SUCLG2: variants seen among roughly 807,000 people sequenced by gnomAD.
The protein encoded by SUCLG2 is succinate-CoA ligase GDP-forming subunit beta.
In SUCLG2, 42 loss-of-function variants were observed where a neutral mutation model predicts 47.9. That is an observed-to-expected ratio of 0.88 (90% confidence interval 0.69 to 1.14). The LOEUF (loss-of-function observed/expected upper bound fraction) is 1.14. Among genes scored for constraint, SUCLG2 ranks in the 50% most tolerant of loss-of-function variants. The pLI, the probability that SUCLG2 is intolerant of heterozygous loss-of-function variation, is 0.00. For missense variants in SUCLG2, 571 were observed against 525.9 expected (o/e 1.09, Z -0.84); for synonymous variants, 195 against 197.3 (o/e 0.99, Z 0.10).
rs1438093732 is a variant in SUCLG2 at position 67,444,108 on chromosome 3, T to TG, written c.1063-43258dup. ...CCAGCCGCGCCGTCCGGGAGGGAGG[T>TG]GGGGGGGTCAGCCCCCCGCCTGGCC... On this transcript the variant is annotated intron_variant, in intron 9 of 10. Coordinates refer to ENST00000307227, the MANE Select transcript of SUCLG2 (RefSeq NM_003848.4). Among the ~76,000 whole-genome samples, 11 of 63,978 alleles carry TG rather than the reference T, an allele frequency of 1.7e-4. No homozygotes were observed. In the South Asian group the frequency reaches 4.3e-3, roughly 25 times the overall value. 42.0% of individuals were successfully genotyped at this position (63,978 alleles called of 152,430 possible).
At chr3:67,369,927 A>G (rs1701929204), downstream of SUCLG2, among the ~76,000 whole-genome samples, 1 of 152,238 alleles carries the variant, frequency 6.6e-6, no homozygotes, top group Non-Finnish European at 1.5e-5. Context: ...TATACTGATT[A>G]CATAGTAAAT....
At chr3:67,403,316 A>G (rs140007497) in intron 9 of SUCLG2, among the ~76,000 whole-genome samples, 1 of 152,318 alleles carries the variant, frequency 6.6e-6, no homozygotes, top group African/African-American at 2.4e-5. Flanking sequence ...TGTTTGGATC[A>G]TCTTTGTGCT....
intron 1 of SUCLG2, among the ~76,000 whole-genome samples, chr3:67,618,636 C>T (rs997471227): frequency 3.3e-5 from 5 of 152,154 alleles, no homozygotes; most frequent in Non-Finnish European, 7.4e-5. Context: ...CTGACTTTTT[C>T]TCTTTTTAGT....
At chr3:67,523,979 A>T (rs6807618) in intron 4 of SUCLG2, among the ~76,000 whole-genome samples, 17,070 of 152,238 alleles carry the variant, frequency 0.11, 1,464 homozygotes, top group East Asian at 0.27. Context: ...CTACTGTCTG[A>T]AACAGCTCTT....
At chr3:67,470,502 A>G in intron 9 of SUCLG2, among the ~76,000 whole-genome samples, 1 of 152,236 alleles carries the variant, frequency 6.6e-6, no homozygotes, top group South Asian at 2.1e-4. Flanking sequence ...AAAAGTGATT[A>G]GGTCATGAGG....
At chr3:67,584,721 C>T (rs531827238) in intron 2 of SUCLG2, among the ~76,000 whole-genome samples, 40 of 152,276 alleles carry the variant, frequency 2.6e-4, no homozygotes, top group African/African-American at 9.4e-4. Context: ...TTCCACATGG[C>T]TGGGGAGGCC....
At chr3:67,470,439 C>T (rs1395585346) in intron 9 of SUCLG2, among the ~76,000 whole-genome samples, 1 of 152,206 alleles carries the variant, frequency 6.6e-6, no homozygotes, top group Non-Finnish European at 1.5e-5. Context: ...TCCTCCCAAA[C>T]TCATGTTTAA....
At chr3:67,471,976 T>TA (rs35733089) in intron 9 of SUCLG2, among the ~76,000 whole-genome samples, 83,439 of 152,008 alleles carry the variant, frequency 0.55, 24,123 homozygotes, top group Middle Eastern at 0.65. Flanking sequence ...TTCCTATGTT[T>TA]AGAGTCCTTA....
chr3:67,365,168 T>C (rs981898143), intron 10 of SUCLG2, among the ~76,000 whole-genome samples: 1 of 152,160 alleles, frequency 6.6e-6, no homozygotes, highest in South Asian at 2.1e-4. Context: ...TGTGGGATTA[T>C]AACAGAAGAG....
chr3:67,589,344 C>A (rs1286523670), intron 2 of SUCLG2, among the ~76,000 whole-genome samples: 1 of 152,160 alleles, frequency 6.6e-6, no homozygotes, highest in Non-Finnish European at 1.5e-5. Context: ...GAATTCGAAG[C>A]CGCTCCCAAG....
chr3:67,428,701 G>GA (rs1703375283), intron 9 of SUCLG2, among the ~76,000 whole-genome samples: 1 of 152,062 alleles, frequency 6.6e-6, no homozygotes, highest in Non-Finnish European at 1.5e-5. Context: ...TAAAAACCTT[G>GA]AAAAAATATT....
intron 7 of SUCLG2, among the ~76,000 whole-genome samples, chr3:67,503,380 A>G (rs1705553487): frequency 6.6e-6 from 1 of 152,246 alleles, no homozygotes; most frequent in Non-Finnish European, 1.5e-5. Context: ...AAAGGAGTAG[A>G]TTAATCCTGG....
At chr3:67,511,956 T>G (rs1705804811) in intron 6 of SUCLG2, among the ~76,000 whole-genome samples, 1 of 150,802 alleles carries the variant, frequency 6.6e-6, no homozygotes, top group East Asian at 1.9e-4. Flanking sequence ...GCTCAGATGA[T>G]CCTCCCACCT....
chr3:67,433,632 A>C (rs1278556048), intron 9 of SUCLG2, among the ~76,000 whole-genome samples: 1 of 152,166 alleles, frequency 6.6e-6, no homozygotes, highest in East Asian at 1.9e-4. Flanking sequence ...AGCGAGGTAG[A>C]TGAGCCTACC....
chr3:67,594,734 T>A (rs1708254773), intron 2 of SUCLG2, among the ~76,000 whole-genome samples: 1 of 152,234 alleles, frequency 6.6e-6, no homozygotes, highest in South Asian at 2.1e-4. Context: ...GCCTGGTACC[T>A]TCTGGTGTGA....
At chr3:67,430,369 G>T (rs1703443045) in intron 9 of SUCLG2, among the ~76,000 whole-genome samples, 1 of 152,126 alleles carries the variant, frequency 6.6e-6, no homozygotes, top group South Asian at 2.1e-4. Context: ...ATAACAAAAT[G>T]AAGGCAGAAA....
At position 67,607,627 on chromosome 3, in the gene SUCLG2, T is replaced by C. The variant is rs149014062; in HGVS notation, c.226+1828A>G. Among the ~76,000 whole-genome samples, 17 of 152,226 alleles carry C rather than the reference T, an allele frequency of 1.1e-4. No homozygotes were observed. In the East Asian group the frequency reaches 3.3e-3, roughly 29 times the overall value. Reference sequence around the variant, plus strand: ...TCTGTAAGGAGGAAAATGAGCTAGATGTTCTACCACACAACAATCGCCCTT... The same window carrying C: ...TCTGTAAGGAGGAAAATGAGCTAGACGTTCTACCACACAACAATCGCCCTT... On this transcript the variant is annotated intron_variant, in intron 2 of 10. Transcript: ENST00000307227.
intron 7 of SUCLG2, among the ~76,000 whole-genome samples, chr3:67,506,472 A>T (rs113891263): frequency 7.9e-5 from 12 of 151,478 alleles, no homozygotes; most frequent in African/African-American, 2.9e-4. Flanking sequence ...TTTTATGATG[A>T]TTCCCTTAAA....
chr3:67,446,462 G>T (rs1226300730), intron 9 of SUCLG2, among the ~76,000 whole-genome samples: 2 of 112,742 alleles, frequency 1.8e-5, no homozygotes, highest in African/African-American at 7.0e-5. Flanking sequence ...ATAGAGTCTC[G>T]CTCTGTCACT....
Sources: gnomAD v4.1 joint callset for allele counts (sites outside exome capture counted in the v4.1 genomes callset) on GRCh38, gnomAD v4.1.1 for gene constraint, MANE v1.5 for transcripts, NCBI Gene and HGNC (gene_info 2026-07-23, HGNC 2026-07-21) for gene names.